AVP: variants seen among roughly 807,000 people sequenced by gnomAD.
AVP encodes vasopressin-neurophysin 2-copeptin.
A neutral mutation model predicts 11.1 loss-of-function variants in AVP; 9 were observed. That is an observed-to-expected ratio of 0.81 (90% CI 0.49 to 1.42). AVP has a LOEUF of 1.42. Ranked by LOEUF, AVP falls within the 40% of genes most tolerant of loss-of-function variation. AVP has a pLI of 0.00. For missense variants in AVP, 206 were observed against 238.5 expected, an observed-to-expected ratio of 0.86 and a Z score of 0.90; for synonymous variants, 106 against 111.3, an observed-to-expected ratio of 0.95 and a Z score of 0.30.
rs2148570820 is a variant in AVP at position 3,082,961 on chromosome 20, CG to C, written c.322+15del. 7.0e-7 allele frequency: 1 copy of C among 1,419,546 alleles called. No homozygotes were observed. Among genetic ancestry groups the C allele is most frequent in the Non-Finnish European group, 9.2e-7 (1 of 1,091,194 alleles). 87.9% of individuals were successfully genotyped at this position (1,419,546 alleles called of 1,614,324 possible). A position where few individuals can be genotyped will look rare whatever the true frequency, so the allele number is the denominator to read the frequency against. On this transcript the variant is annotated intron_variant, in intron 2 of 2. Coordinates refer to ENST00000380293, the MANE Select transcript of AVP (RefSeq NM_000490.5). The surrounding 1 kb of genome is among the most constrained non-coding windows in gnomAD (Gnocchi z 4.7). ...TCTGCGCCCCCCCCAGCCCCAGGCCCGCCCCCGCCGCGCACCGTCGTTGCAG... is the reference window on the plus strand; with the variant it reads ...TCTGCGCCCCCCCCAGCCCCAGGCCCCCCCCGCCGCGCACCGTCGTTGCAG...
chr20:3,082,925 CA>C lies in AVP; in HGVS notation c.322+51del. On this transcript the variant is annotated intron_variant, in intron 2 of 2. Coordinates refer to ENST00000380293, the MANE Select transcript of AVP (RefSeq NM_000490.5). The surrounding 1 kb of genome is among the most constrained non-coding windows in gnomAD (Gnocchi z 4.7). ...CCCCGCCGCAGGCCCGCGTCCCCCC[CA>C]CCCAAGCGGTCTGCGCCCCCCCCAG... 2 of 1,093,818 alleles carry C rather than the reference CA, an allele frequency of 1.8e-6. No homozygotes were observed. The highest frequency in any genetic ancestry group is 1.1e-6 in the Non-Finnish European group (1 of 872,374). 67.8% of individuals were successfully genotyped at this position (1,093,818 alleles called of 1,614,324 possible). A position where few individuals can be genotyped will look rare whatever the true frequency, so the allele number is the denominator to read the frequency against.
rs988214162 is a variant in AVP at position 3,083,801 on chromosome 20, C to T, written c.121-623G>A. Among the ~76,000 whole-genome samples, 2 of 152,176 alleles carry T rather than the reference C, an allele frequency of 1.3e-5. No individual in the cohort carries two copies. The highest frequency in any genetic ancestry group is 2.9e-5 in the Non-Finnish European group (2 of 68,042). ...CACGGACACCCAGGTGCCTCAGGAC[C>T]CTAAAGGAGCCTAGCAGGAGGAAGA... On this transcript the variant is annotated intron_variant, in intron 1 of 2. Coordinates refer to ENST00000380293, the MANE Select transcript of AVP (RefSeq NM_000490.5). This position sits in a 1 kb window ranked among gnomAD's most constrained non-coding sequence, Gnocchi z 5.4.
Position 3,083,620 on chromosome 20 carries a change from C to T in AVP, c.121-442G>A, listed in dbSNP as rs535268664. 1.3e-5 allele frequency among the ~76,000 whole-genome samples: 2 copies of T among 152,286 alleles called. No individual in the cohort carries two copies. The highest frequency in any genetic ancestry group is 3.9e-4 in the East Asian group (2 of 5,170). On this transcript the variant is annotated intron_variant, in intron 1 of 2. Transcript: ENST00000380293. This position sits in a 1 kb window ranked among gnomAD's most constrained non-coding sequence, Gnocchi z 5.4. ...CACTACACCATGCGGAGAGGCCCTA[C>T]CCATCCAGAACCCCGGCCCTTCCCA...
At position 3,082,710 on chromosome 20, in the gene AVP, C is replaced by A; in HGVS notation, c.415G>T (p.Ala139Ser). Residue 139 changes from alanine (A) to serine (S), a missense_variant, in exon 3 of 3, where the codon GCC becomes TCC. Coordinates refer to ENST00000380293, the MANE Select transcript of AVP (RefSeq NM_000490.5). This position sits in a 1 kb window ranked among gnomAD's most constrained non-coding sequence, Gnocchi z 4.7. ...ACCAGCCGCAGCAGCAAGGCCCCGG[C>A]CGGCCCGTCCAGCTGCGTGGCGTTG... is the stretch of plus-strand genomic sequence containing the variant. ...RSNATQLDGP[A>S]GALLLRLVQL... The A allele has an allele frequency of 1.6e-6, 2 of 1,290,094 alleles. No homozygotes were observed. Among genetic ancestry groups the A allele is most frequent in the South Asian group, 4.8e-5 (2 of 41,248 alleles). 79.9% of individuals were successfully genotyped at this position (1,290,094 alleles called of 1,614,324 possible). A position where few individuals can be genotyped will look rare whatever the true frequency, so the allele number is the denominator to read the frequency against.
rs551238089 is a variant in AVP, at chr20:3,084,516, C to G, written c.120+39G>C. On this transcript the variant is annotated intron_variant, in intron 1 of 2. Transcript: ENST00000380293. ...CCTGACCCAGGGTGTCAGCACTGCCCGCTATGGCAGCCCTGAGATGGCCCA... is the reference window on the plus strand; with the variant it reads ...CCTGACCCAGGGTGTCAGCACTGCCGGCTATGGCAGCCCTGAGATGGCCCA... 57 of 1,613,042 alleles carry G rather than the reference C, an allele frequency of 3.5e-5. No homozygotes were observed. The South Asian group carries it at 5.4e-4, about 15-fold the overall frequency.
Position 3,082,641 on chromosome 20 carries a change from C to A in AVP, c.484G>T (p.Asp162Tyr), listed in dbSNP as rs1221046393. The part of the protein sequence containing the change: ...APEPFEPAQP[D>Y]AY ...GGCGAGCGCGGGGCTCAGTAGGCGT[C>A]GGGCTGGGCGGGCTCGAAGGGCTCG... Residue 162 changes from aspartate (D) to tyrosine (Y), a missense_variant, in exon 3 of 3, where the codon GAC becomes TAC. By Grantham distance (160) the Asp-to-Tyr change is radical. Transcript: ENST00000380293. The surrounding 1 kb of genome is among the most constrained non-coding windows in gnomAD (Gnocchi z 4.7). 3.9e-6 allele frequency: 5 copies of A among 1,269,664 alleles called. No individual in the cohort carries two copies. The highest frequency in any genetic ancestry group is 4.9e-6 in the Non-Finnish European group (5 of 1,011,548). The allele number at this position is 1,269,664 out of a possible 1,614,324, so 78.6% of individuals were successfully genotyped here.
At position 3,083,125 on chromosome 20, in the gene AVP, G is replaced by A. The variant is rs1489047363; in HGVS notation, c.174C>T (p.Cys58=). The A allele has an allele frequency of 6.5e-7, 1 of 1,534,628 alleles. No individual in the cohort carries two copies. Among genetic ancestry groups the A allele is most frequent in the Admixed American group, 1.9e-5 (1 of 52,100 alleles). Residue 58 remains cysteine, a synonymous_variant, in exon 2 of 3, where the codon TGC becomes TGT. Transcript: ENST00000380293. This position sits in a 1 kb window ranked among gnomAD's most constrained non-coding sequence, Gnocchi z 5.4. ...CGAAGCAGCCCAGCTCGTCCGCGCA[G>A]CAGATGCTGGGCCCGAAGCAGCGGC... ...GKGRCFGPSI[C]CADELGCFVG...
chr20:3,084,721 C>T lies in AVP; in HGVS notation c.-47G>A. 1 of 1,609,544 alleles carries T rather than the reference C, an allele frequency of 6.2e-7. No individual in the cohort carries two copies. Among genetic ancestry groups the T allele is most frequent in the Non-Finnish European group, 8.5e-7 (1 of 1,179,826 alleles). ...CCGTATGCAGCACTGCTTGGTGGCTCTGTGCTGCTGCCTCTGCTGGCTGCC... is the reference window on the plus strand; with the variant it reads ...CCGTATGCAGCACTGCTTGGTGGCTTTGTGCTGCTGCCTCTGCTGGCTGCC... On this transcript the variant is annotated 5_prime_UTR_variant, in exon 1 of 3. Coordinates refer to ENST00000380293, the MANE Select transcript of AVP (RefSeq NM_000490.5).
chr20:3,082,834 T>C lies in AVP; in HGVS notation c.323-32A>G. 1.6e-6 allele frequency: 2 copies of C among 1,221,710 alleles called. No homozygotes were observed. Among genetic ancestry groups the C allele is most frequent in the Non-Finnish European group, 2.0e-6 (2 of 982,278 alleles). The allele number at this position is 1,221,710 out of a possible 1,614,324, so 75.7% of individuals were successfully genotyped here. ...GGAGGACGTGTGAGCACGGGCGCCC[T>C]GGGGCGGGCGCAGCTCGGGGTGCGG... On this transcript the variant is annotated intron_variant, in intron 2 of 2. Transcript: ENST00000380293. This position sits in a 1 kb window ranked among gnomAD's most constrained non-coding sequence, Gnocchi z 4.7.
chr20:3,084,666 G>A lies in AVP; in HGVS notation c.9C>T (p.Asp3=). The A allele has an allele frequency of 6.2e-7, 1 of 1,613,332 alleles. No individual in the cohort carries two copies. The highest frequency in any genetic ancestry group is 8.5e-7 in the Non-Finnish European group (1 of 1,180,030). ...CGAGGAAGCAGGCGGGCAGCATGGT[G>A]TCAGGCATCCTGGTGCACACAGGTG... MP[D]TMLPACFLGL... Residue 3 remains aspartate, a synonymous_variant, in exon 1 of 3, where the codon GAC becomes GAT. Transcript: ENST00000380293.
At position 3,082,789 on chromosome 20, in the gene AVP, G is replaced by GA. The variant is rs2066116875; in HGVS notation, c.335_336insT (p.Glu113ArgfsTer73). ...GAAAGCCCTCGCGGCACTCGGGCTCGGTCACGCAGCTCTCTGCCGGGAGGA... is the reference window on the plus strand; with the variant it reads ...GAAAGCCCTCGCGGCACTCGGGCTCGAGTCACGCAGCTCTCTGCCGGGAGGA... On this transcript the variant is annotated frameshift_variant, in exon 3 of 3. Coordinates refer to ENST00000380293, the MANE Select transcript of AVP (RefSeq NM_000490.5). LOFTEE classifies it low-confidence loss of function (END_TRUNC). This position sits in a 1 kb window ranked among gnomAD's most constrained non-coding sequence, Gnocchi z 4.7. The GA allele has an allele frequency of 1.6e-6, 2 of 1,251,970 alleles. No individual in the cohort carries two copies. The highest frequency in any genetic ancestry group is 2.0e-6 in the Non-Finnish European group (2 of 1,000,764). The allele number at this position is 1,251,970 out of a possible 1,614,324, so 77.6% of individuals were successfully genotyped here.
Position 3,083,171 on chromosome 20 carries a change from G to T in AVP, c.128C>A (p.Pro43His), listed in dbSNP as rs1222557940. The T allele has an allele frequency of 2.0e-6, 3 of 1,493,864 alleles. No individual in the cohort carries two copies. The East Asian group carries it at 8.4e-5, about 42-fold the overall frequency. 92.5% of individuals were successfully genotyped at this position (1,493,864 alleles called of 1,614,324 possible). A position where few individuals can be genotyped will look rare whatever the true frequency, so the allele number is the denominator to read the frequency against. Residue 43 changes from proline to histidine, a missense_variant, in exon 2 of 3, where the codon CCC becomes CAC. Physicochemically the swap from Pro to His is moderately conservative, Grantham distance 77 (BLOSUM62 -2). This residue lies in a region of AVP where 100 missense variants were observed against 149.3 expected (regional missense o/e 0.67). Transcript: ENST00000380293. This position sits in a 1 kb window ranked among gnomAD's most constrained non-coding sequence, Gnocchi z 5.4. ...GCGGCCTTTGCCCCCGGGGCCGCAGGGGAGGCACTGCGGGGACGGGCGGGG... is the reference window on the plus strand; with the variant it reads ...GCGGCCTTTGCCCCCGGGGCCGCAGTGGAGGCACTGCGGGGACGGGCGGGG... ...MSDLELRQCL[P>H]CGPGGKGRCF...
Position 3,082,751 on chromosome 20 carries a change from C to T in AVP, c.374G>A (p.Arg125His), listed in dbSNP as rs534290018. ...ECREGFHRRA[R>H]ASDRSNATQL... Reference sequence around the variant, plus strand: ...CGTGGCGTTGCTCCGGTCGCTGGCGCGGGCGCGGCGGTGAAAGCCCTCGCG... The same window carrying T: ...CGTGGCGTTGCTCCGGTCGCTGGCGTGGGCGCGGCGGTGAAAGCCCTCGCG... The change falls in exon 3 of 3, where the codon CGC (arginine) becomes CAC (histidine). Residue 125 changes from arginine (R) to histidine (H), a missense_variant. Arg to His is a conservative substitution (Grantham distance 29, BLOSUM62 0). Around this residue, in one of 2 missense-constraint regions of AVP, gnomAD observed 106 missense variants for 89.2 expected, o/e 1.19. Transcript: ENST00000380293. The surrounding 1 kb of genome is among the most constrained non-coding windows in gnomAD (Gnocchi z 4.7). 6.3e-6 allele frequency: 8 copies of T among 1,273,076 alleles called. No homozygotes were observed. In the African/African-American group the frequency reaches 1.1e-4, roughly 17 times the overall value. 78.9% of individuals were successfully genotyped at this position (1,273,076 alleles called of 1,614,324 possible).
rs1568734633 is a variant in AVP at position 3,084,155 on chromosome 20, G to T, written c.120+400C>A. ...TGTGGCTGGGAGGCTGGGGCTGGATGAGGAAAGCCTCCAATGCTAGGTAGG... is the reference window on the plus strand; with the variant it reads ...TGTGGCTGGGAGGCTGGGGCTGGATTAGGAAAGCCTCCAATGCTAGGTAGG... On this transcript the variant is annotated intron_variant, in intron 1 of 2. Transcript: ENST00000380293. Among the ~76,000 whole-genome samples, 4 of 152,162 alleles carry T rather than the reference G, an allele frequency of 2.6e-5. No individual in the cohort carries two copies. The South Asian group carries it at 8.3e-4, about 32-fold the overall frequency.
rs746457360 is a variant in AVP, at chr20:3,082,995, C to T, written c.304G>A (p.Gly102Ser). 5.2e-6 allele frequency: 8 copies of T among 1,525,054 alleles called. No homozygotes were observed. The highest frequency in any genetic ancestry group is 7.0e-6 in the Non-Finnish European group (8 of 1,146,348). The allele number at this position is 1,525,054 out of a possible 1,614,324, so 94.5% of individuals were successfully genotyped here. Residue 102 changes from glycine to serine, a missense_variant, in exon 2 of 3, where the codon GGC becomes AGC. Physicochemically the swap from Gly to Ser is moderately conservative, Grantham distance 56 (BLOSUM62 0). Coordinates refer to ENST00000380293, the MANE Select transcript of AVP (RefSeq NM_000490.5). This position sits in a 1 kb window ranked among gnomAD's most constrained non-coding sequence, Gnocchi z 4.7. ...CGCGCACCGTCGTTGCAGCAAACGC[C>T]GAAGGCGGCGCAGCGGCCCCCGCTC... ...CGSGGRCAAF[G>S]VCCNDESCVT...
rs2066118142 is a variant in AVP at position 3,082,938 on chromosome 20, T to G, written c.322+39A>C. On this transcript the variant is annotated intron_variant, in intron 2 of 2. Transcript: ENST00000380293. This position sits in a 1 kb window ranked among gnomAD's most constrained non-coding sequence, Gnocchi z 4.7. The stretch of plus-strand genomic sequence containing the variant: ...CCGCGTCCCCCCCACCCAAGCGGTC[T>G]GCGCCCCCCCCAGCCCCAGGCCCGC... 3 of 929,302 alleles carry G rather than the reference T, an allele frequency of 3.2e-6. No individual in the cohort carries two copies. Among genetic ancestry groups the G allele is most frequent in the Admixed American group, 7.2e-5 (1 of 13,834 alleles). 57.6% of individuals were successfully genotyped at this position (929,302 alleles called of 1,614,324 possible).
chr20:3,082,658 A>G lies in AVP; in HGVS notation c.467T>C (p.Phe156Ser). The G allele has an allele frequency of 7.8e-7, 1 of 1,281,318 alleles. No homozygotes were observed. The highest frequency in any genetic ancestry group is 9.8e-7 in the Non-Finnish European group (1 of 1,018,236). 79.4% of individuals were successfully genotyped at this position (1,281,318 alleles called of 1,614,324 possible). ...GTAGGCGTCGGGCTGGGCGGGCTCG[A>G]AGGGCTCGGGCGCCCCGGCCAGCTG... is the stretch of plus-strand genomic sequence containing the variant. ...LVQLAGAPEPFEPAQPDAY is the reference protein window; with the variant it reads ...LVQLAGAPEPSEPAQPDAY The change falls in exon 3 of 3, where the codon TTC becomes TCC. Residue 156 changes from phenylalanine to serine, a missense_variant. Transcript: ENST00000380293. This position sits in a 1 kb window ranked among gnomAD's most constrained non-coding sequence, Gnocchi z 4.7.
In AVP at chr20:3,083,655, T is replaced by G. The variant is rs1025611209; in HGVS notation, c.121-477A>C. Among the ~76,000 whole-genome samples, 3 of 152,068 alleles carry G rather than the reference T, an allele frequency of 2.0e-5. No individual in the cohort carries two copies. The highest frequency in any genetic ancestry group is 1.9e-4 in the East Asian group (1 of 5,160). On this transcript the variant is annotated intron_variant, in intron 1 of 2. Coordinates refer to ENST00000380293, the MANE Select transcript of AVP (RefSeq NM_000490.5). This position sits in a 1 kb window ranked among gnomAD's most constrained non-coding sequence, Gnocchi z 5.4. Reference sequence around the variant, plus strand: ...ACCCCGGCCCTTCCCATTTCCTGTCTCCTCTCTTGCCTTGCCCCTGGCCCC... The same window carrying G: ...ACCCCGGCCCTTCCCATTTCCTGTCGCCTCTCTTGCCTTGCCCCTGGCCCC...
In AVP at chr20:3,082,588, G is replaced by A. The variant is rs13041122; in HGVS notation, c.*42C>T. 8.1e-6 allele frequency: 10 copies of A among 1,241,740 alleles called. No individual in the cohort carries two copies. The highest frequency in any genetic ancestry group is 3.1e-5 in the African/African-American group (2 of 64,064). The allele number at this position is 1,241,740 out of a possible 1,614,324, so 76.9% of individuals were successfully genotyped here. A position where few individuals can be genotyped will look rare whatever the true frequency, so the allele number is the denominator to read the frequency against. On this transcript the variant is annotated 3_prime_UTR_variant, in exon 3 of 3. Transcript: ENST00000380293. The surrounding 1 kb of genome is among the most constrained non-coding windows in gnomAD (Gnocchi z 4.7). ...GCGGAGGTTTATTGTCCGTGCTGCA[G>A]GGGCGGGCGCGAAGAGCGCGCCGGT...
Sources: allele counts gnomAD v4.1 joint callset (sites outside exome capture counted in the v4.1 genomes callset), GRCh38; gene constraint gnomAD v4.1.1; regional missense constraint gnomAD v4.1.1; non-coding constraint Gnocchi (gnomAD v3.1); transcripts MANE v1.5; gene names NCBI Gene and HGNC (gene_info 2026-07-23, HGNC 2026-07-21).